The following DIPK1A variants were observed in gnomAD, a reference collection of about 807,000 sequenced individuals.
DIPK1A encodes the protein divergent protein kinase domain 1A, also known as family with sequence similarity 69 member A.
DIPK1A carries 27 observed loss-of-function variants against 40.8 expected under a neutral mutation model. The ratio of observed to expected loss-of-function variants is 0.66; its 90% CI spans 0.49 to 0.91. DIPK1A has a LOEUF of 0.91. Ranked by LOEUF, DIPK1A falls within the 40% of genes least tolerant of loss-of-function variation. The pLI is 0.00. For synonymous variants in DIPK1A, 166 were observed against 171.3 expected (o/e 0.97, Z 0.24); for missense variants, 412 against 505.7 (o/e 0.81, Z 1.78).
chr1:92,845,540 T>TAA (rs1553123577), intron 4 of DIPK1A: 14 of 246,822 alleles, frequency 5.7e-5, no homozygotes, highest in South Asian at 1.1e-4. Flanking sequence ...CCGTCTCTGC[T>TAA]GAAAAAAAAA....
chr1:92,856,884 A>C (rs1688004211), intron 2 of DIPK1A, among the ~76,000 whole-genome samples: 1 of 152,202 alleles, frequency 6.6e-6, no homozygotes, highest in Non-Finnish European at 1.5e-5. Flanking sequence ...GTGAGAGTGG[A>C]AAATGGGTAA....
At chr1:92,951,161 T>G (rs139475345) in intron 1 of DIPK1A, among the ~76,000 whole-genome samples, 314 of 152,226 alleles carry the variant, frequency 2.1e-3, no homozygotes, top group Admixed American at 3.4e-3. Context: ...ATACGAGCTC[T>G]TAAAAGCAGA....
chr1:92,889,644 C>CT lies in DIPK1A; in HGVS notation c.55-13215dup, dbSNP rs35845230. Among the ~76,000 whole-genome samples, 541 of 145,988 alleles carry CT rather than the reference C, an allele frequency of 3.7e-3. 13 individuals carry two copies. The highest frequency in any genetic ancestry group is 5.3e-4 in the Non-Finnish European group (35 of 65,920). On this transcript the variant is annotated intron_variant, in intron 1 of 4. Coordinates refer to ENST00000370310, the MANE Select transcript of DIPK1A (RefSeq NM_001006605.5). ...AATCCATTAACATGAGATATCTTTCCTTTTTTTTTTTAAATCAACAATTGA... is the reference window on the plus strand; with the variant it reads ...AATCCATTAACATGAGATATCTTTCCTTTTTTTTTTTTAAATCAACAATTGA...
intron 4 of DIPK1A, chr1:92,836,438 C>T: frequency 6.4e-7 from 1 of 1,554,080 alleles, no homozygotes; most frequent in Non-Finnish European, 8.9e-7. Flanking sequence ...GTGGTACTTC[C>T]CTGTTTTTAA....
Position 92,859,493 on chromosome 1 carries a change from A to G in DIPK1A, c.190-8538T>C, listed in dbSNP as rs1299747664. ...GCAATTTATTTTAGAATTCCTCAGC[A>G]CACACAGTTTAATATATGTGTGTAA... is the stretch of plus-strand genomic sequence containing the variant. On this transcript the variant is annotated intron_variant, in intron 2 of 4. Coordinates refer to ENST00000370310, the MANE Select transcript of DIPK1A (RefSeq NM_001006605.5). 2.0e-5 allele frequency among the ~76,000 whole-genome samples: 3 copies of G among 152,128 alleles called. No individual in the cohort carries two copies. The East Asian group carries it at 5.8e-4, about 29-fold the overall frequency.
intron 4 of DIPK1A, among the ~76,000 whole-genome samples, chr1:92,846,847 G>GTATATATATATATA (rs1204178725): frequency 8.6e-3 from 3 of 350 alleles, no homozygotes; most frequent in Non-Finnish European, 0.013. Context: ...ATATATGTGT[G>GTATATATATATATA]TATATATATA....
At chr1:92,898,921 C>T (rs1344746236) in intron 1 of DIPK1A, among the ~76,000 whole-genome samples, 1 of 152,080 alleles carries the variant, frequency 6.6e-6, no homozygotes, top group Non-Finnish European at 1.5e-5. Flanking sequence ...TGCCACCATG[C>T]CTGGCTATTT....
intron 1 of DIPK1A, among the ~76,000 whole-genome samples, chr1:92,922,706 CATTTG>C (rs892587995): frequency 2.6e-5 from 4 of 152,154 alleles, no homozygotes; most frequent in African/African-American, 9.7e-5. Context: ...AAACTTTGTT[CATTTG>C]TTTTAGTTCT....
chr1:92,885,470 C>T (rs1648555471), intron 1 of DIPK1A, among the ~76,000 whole-genome samples: 1 of 152,132 alleles, frequency 6.6e-6, no homozygotes, highest in Non-Finnish European at 1.5e-5. Context: ...ATTCTCCTAC[C>T]TCAGTCTCCC....
intron 1 of DIPK1A, among the ~76,000 whole-genome samples, chr1:92,942,242 C>G (rs1188083824): frequency 2.6e-5 from 4 of 152,204 alleles, no homozygotes; most frequent in Non-Finnish European, 4.4e-5. Context: ...ATTCTGCTAT[C>G]ACAGACTGAA....
At chr1:92,944,745 ACCTTAG>A in intron 1 of DIPK1A, among the ~76,000 whole-genome samples, 1 of 152,084 alleles carries the variant, frequency 6.6e-6, no homozygotes. Context: ...GGATTCTTCC[ACCTTAG>A]CCTCCCAAGT....
At position 92,843,974 on chromosome 1, in the gene DIPK1A, T is replaced by C. The variant is rs1687489604; in HGVS notation, c.696A>G (p.Glu232=). ...GGCTTATTCCATAAAGAGAGGTATA[T>C]TCAACACTTTCCATCACATAGAGGT... ...CGDLYVMESV[E]YTSLYGISLP... The change falls in exon 5 of 5, where the codon GAA becomes GAG. Residue 232 remains glutamate (E), a synonymous_variant. Coordinates refer to ENST00000370310, the MANE Select transcript of DIPK1A (RefSeq NM_001006605.5). The C allele has an allele frequency of 6.4e-6, 10 of 1,552,038 alleles. No individual in the cohort carries two copies. Among genetic ancestry groups the C allele is most frequent in the Non-Finnish European group, 7.8e-6 (9 of 1,147,048 alleles).
At chr1:92,845,508 G>GAAAAAAA in intron 4 of DIPK1A, 14 of 198,460 alleles carry the variant, frequency 7.1e-5, no homozygotes, top group East Asian at 2.1e-4. Context: ...GTCTATGCTA[G>GAAAAAAA]AAAAAAAAAA....
chr1:92,877,005 G>A (rs748502983), intron 1 of DIPK1A: 111 of 985,286 alleles, frequency 1.1e-4, no homozygotes, highest in East Asian at 3.4e-4. Flanking sequence ...ATGTTTCACC[G>A]AATAGATATT....
chr1:92,942,049 A>C (rs987820611), intron 1 of DIPK1A, among the ~76,000 whole-genome samples: 1 of 152,314 alleles, frequency 6.6e-6, no homozygotes, highest in South Asian at 2.1e-4. Context: ...AGCACAGGGA[A>C]TATATGGACA....
chr1:92,898,085 C>A (rs567143100), intron 1 of DIPK1A, among the ~76,000 whole-genome samples: 2 of 148,258 alleles, frequency 1.3e-5, no homozygotes, highest in African/African-American at 5.0e-5. Context: ...GGCAACAGAG[C>A]GAGACTCCAT....
intron 2 of DIPK1A, among the ~76,000 whole-genome samples, chr1:92,868,666 T>C (rs913042758): frequency 3.9e-5 from 6 of 152,098 alleles, no homozygotes; most frequent in Non-Finnish European, 8.8e-5. Flanking sequence ...CATTCCACAA[T>C]AAGAACGTAA....
At chr1:92,897,285 G>A (rs1649212552) in intron 1 of DIPK1A, among the ~76,000 whole-genome samples, 2 of 152,182 alleles carry the variant, frequency 1.3e-5, no homozygotes, top group African/African-American at 4.8e-5. Context: ...ACTGGATTAA[G>A]AAAATGTGGC....
chr1:92,948,274 C>G (rs7552766), intron 1 of DIPK1A, among the ~76,000 whole-genome samples: 4,621 of 152,148 alleles, frequency 0.03, 206 homozygotes, highest in African/African-American at 0.1. Context: ...ACACATGAGA[C>G]AGCATGTTGT....
Sources: allele counts gnomAD v4.1 joint callset (sites outside exome capture counted in the v4.1 genomes callset), GRCh38; gene constraint gnomAD v4.1.1; transcripts MANE v1.5; gene names NCBI Gene and HGNC (gene_info 2026-07-23, HGNC 2026-07-21).